Variants in BORCS5 observed in about 807,000 individuals in gnomAD.
The protein encoded by BORCS5 is BLOC-1 related complex subunit 5.
Under a neutral mutation model 22.1 loss-of-function variants are expected in BORCS5, and 17 were observed. That is an observed-to-expected ratio of 0.77 (90% CI 0.53 to 1.15). BORCS5 has a LOEUF of 1.15. Ranked by LOEUF, BORCS5 falls within the 50% of genes most tolerant of loss-of-function variation. The pLI, the probability that BORCS5 is intolerant of heterozygous loss-of-function variation, is 0.00. For synonymous variants in BORCS5, 117 were observed against 99.8 expected, an observed-to-expected ratio of 1.17 and a Z score of -1.03; for missense variants, 247 against 253.2, an observed-to-expected ratio of 0.98 and a Z score of 0.17.
intron 3 of BORCS5, among the ~76,000 whole-genome samples, chr12:12,454,610 G>A (rs2136150976): frequency 6.6e-6 from 1 of 152,242 alleles, no homozygotes. Context: ...ATCTGAGAAG[G>A]GTGGATATTG....
At chr12:12,435,231 A>T (rs1181257490) in intron 2 of BORCS5, among the ~76,000 whole-genome samples, 1 of 152,192 alleles carries the variant, frequency 6.6e-6, no homozygotes. Flanking sequence ...CACATTTTCA[A>T]TTAATAAGGG....
At position 12,390,036 on chromosome 12, in the gene BORCS5, A is replaced by G. The variant is rs191655426; in HGVS notation, c.202+28687A>G. 2.6e-5 allele frequency among the ~76,000 whole-genome samples: 4 copies of G among 152,082 alleles called. No homozygotes were observed. The East Asian group carries it at 7.7e-4, about 29-fold the overall frequency. Reference sequence around the variant, plus strand: ...GTTTTCTTTGCTTTCCCACCTCTAAACTTTGCCCATGCCCTTCTATCTGAT... The same window carrying G: ...GTTTTCTTTGCTTTCCCACCTCTAAGCTTTGCCCATGCCCTTCTATCTGAT... On this transcript the variant is annotated intron_variant, in intron 2 of 3. Transcript: ENST00000314565.
In BORCS5 at chr12:12,462,131, A is replaced by T. The variant is rs145156890; in HGVS notation, c.361-3415A>T. 1.2e-4 allele frequency among the ~76,000 whole-genome samples: 18 copies of T among 152,306 alleles called. No homozygotes were observed. In the East Asian group the frequency reaches 3.5e-3, roughly 29 times the overall value. ...CATAGTGCATGGCACATGGCACGTG[A>T]TGCTACTCAATAACTGTCTGTTGCC... On this transcript the variant is annotated intron_variant, in intron 3 of 3. Transcript: ENST00000314565.
At chr12:12,453,813 A>G (rs1181220950) in intron 3 of BORCS5, among the ~76,000 whole-genome samples, 2 of 152,182 alleles carry the variant, frequency 1.3e-5, no homozygotes, top group African/African-American at 2.4e-5. Flanking sequence ...ATGAAACTCT[A>G]TGTACATCAG....
Position 12,357,106 on chromosome 12 carries a change from G to T in BORCS5, c.-346G>T, listed in dbSNP as rs1435075318. On this transcript the variant is annotated 5_prime_UTR_variant, in exon 1 of 4. Transcript: ENST00000314565. The stretch of plus-strand genomic sequence containing the variant: ...TGCGTCCCGGAAGGAGCGAGCTTGC[G>T]GAGCGTGAACCAGTGAGTGAAAGCG... 1 of 1,534,618 alleles carries T rather than the reference G, an allele frequency of 6.5e-7. No homozygotes were observed. The highest frequency in any genetic ancestry group is 2.4e-5 in the East Asian group (1 of 40,880).
chr12:12,447,294 A>G (rs1239284218), intron 3 of BORCS5, among the ~76,000 whole-genome samples: 2 of 152,146 alleles, frequency 1.3e-5, no homozygotes, highest in African/African-American at 4.8e-5. Flanking sequence ...TGCCTGAGGA[A>G]TCCTGCTCTC....
At position 12,468,200 on chromosome 12, in the gene BORCS5, A is replaced by G. The variant is rs902966069; in HGVS notation, c.*2424A>G. ...TCTAATTGCTCAAACCGCTTTCACA[A>G]TCCTCTCTTTCTACATCATTCCTAG... is the stretch of plus-strand genomic sequence containing the variant. On this transcript the variant is annotated 3_prime_UTR_variant, in exon 4 of 4. Transcript: ENST00000314565. 3 of 151,932 alleles carry G rather than the reference A, an allele frequency of 2.0e-5. No individual in the cohort carries two copies. The highest frequency in any genetic ancestry group is 2.1e-4 in the South Asian group (1 of 4,810). 9.4% of individuals were successfully genotyped at this position (151,932 alleles called of 1,614,324 possible).
intron 2 of BORCS5, among the ~76,000 whole-genome samples, chr12:12,410,664 G>A (rs1265415493): frequency 1.3e-5 from 2 of 152,288 alleles, no homozygotes; most frequent in African/African-American, 2.4e-5. Context: ...GTAGTATGAT[G>A]CCTCCAGCTT....
intron 2 of BORCS5, among the ~76,000 whole-genome samples, chr12:12,391,902 C>T (rs1555147721): frequency 8.4e-5 from 1 of 11,914 alleles, no homozygotes; most frequent in African/African-American, 3.1e-4. Flanking sequence ...AAAATTTAGG[C>T]AGGCATGGGG....
intron 2 of BORCS5, among the ~76,000 whole-genome samples, chr12:12,429,270 C>T (rs997113082): frequency 9.2e-5 from 14 of 152,118 alleles, no homozygotes; most frequent in Admixed American, 5.2e-4. Context: ...CCAGGAGAGG[C>T]GTAGCTATCA....
intron 2 of BORCS5, among the ~76,000 whole-genome samples, chr12:12,376,175 CTG>C (rs1446417590): frequency 3.3e-5 from 5 of 151,422 alleles, no homozygotes; most frequent in African/African-American, 4.9e-5. Context: ...AACAAAAAGT[CTG>C]TTTTGATTTG....
chr12:12,458,843 A>G (rs1943047974), intron 3 of BORCS5, among the ~76,000 whole-genome samples: 2 of 149,212 alleles, frequency 1.3e-5, no homozygotes, highest in Non-Finnish European at 3.0e-5. Flanking sequence ...ATGGTAGCAC[A>G]CGCCTGTAAT....
chr12:12,389,161 C>T (rs1863946683), intron 2 of BORCS5, among the ~76,000 whole-genome samples: 1 of 137,124 alleles, frequency 7.3e-6, no homozygotes, highest in South Asian at 2.3e-4. Flanking sequence ...TTTTGAGACG[C>T]ATTTTCATTC....
chr12:12,373,481 T>A (rs1270046205), intron 2 of BORCS5, among the ~76,000 whole-genome samples: 2 of 152,090 alleles, frequency 1.3e-5, no homozygotes. Context: ...CGGAAATGAG[T>A]GTTTCATATA....
intron 3 of BORCS5, among the ~76,000 whole-genome samples, chr12:12,463,903 T>G (rs1943154042): frequency 6.6e-6 from 1 of 152,234 alleles, no homozygotes; most frequent in Non-Finnish European, 1.5e-5. Flanking sequence ...ATCTATCTAG[T>G]CTGGTAGGGT....
chr12:12,455,140 A>C (rs1016506526), intron 3 of BORCS5, among the ~76,000 whole-genome samples: 2 of 152,250 alleles, frequency 1.3e-5, no homozygotes, highest in African/African-American at 4.8e-5. Context: ...AGTACTTACA[A>C]TAAAAGAGCA....
intron 3 of BORCS5, among the ~76,000 whole-genome samples, chr12:12,443,096 G>A (rs574181909): frequency 6.6e-6 from 1 of 152,304 alleles, no homozygotes; most frequent in African/African-American, 2.4e-5. Context: ...TGAGCTGTTG[G>A]CCAGGTGAAA....
intron 3 of BORCS5, chr12:12,452,281 T>C: frequency 1.3e-6 from 1 of 784,728 alleles, no homozygotes; most frequent in South Asian, 1.3e-5. Context: ...TGTGTAACAA[T>C]CCCATTCATG....
rs144763041 is a variant in BORCS5 at position 12,361,521 on chromosome 12, C to T, written c.202+172C>T. 4.8e-3 allele frequency among the ~76,000 whole-genome samples: 732 copies of T among 152,290 alleles called. 10 individuals carry two copies. The highest frequency in any genetic ancestry group is 0.017 in the African/African-American group (697 of 41,562). On this transcript the variant is annotated intron_variant, in intron 2 of 3. Coordinates refer to ENST00000314565, the MANE Select transcript of BORCS5 (RefSeq NM_058169.6). ...ATTTCCTTAATTAAAACTGCAGCCC[C>T]TTTGCCTACCTGTTTTTCTCTATAG...
Sources: allele counts gnomAD v4.1 joint callset (sites outside exome capture counted in the v4.1 genomes callset), GRCh38; gene constraint gnomAD v4.1.1; transcripts MANE v1.5; gene names NCBI Gene and HGNC (gene_info 2026-07-23, HGNC 2026-07-21).